Variants in PRIMA1 observed in about 807,000 individuals in gnomAD.
PRIMA1 encodes proline rich membrane anchor 1, also known as proline-rich membrane anchor 1.
PRIMA1 carries 7 observed loss-of-function variants against 17.5 expected under a neutral mutation model. That is an observed-to-expected ratio of 0.40 (90% CI 0.23 to 0.75). The LOEUF is 0.75. Among genes scored for constraint, PRIMA1 ranks in the 30% least tolerant of loss-of-function variants. The pLI, the probability that PRIMA1 is intolerant of heterozygous loss-of-function variation, is 0.37. For synonymous variants in PRIMA1, 97 were observed against 77.9 expected, an observed-to-expected ratio of 1.25 and a Z score of -1.29; for missense variants, 200 against 201.8, an observed-to-expected ratio of 0.99 and a Z score of 0.05.
At chr14:93,734,093 A>G (rs2076133085) in intron 4 of PRIMA1, among the ~76,000 whole-genome samples, 1 of 152,174 alleles carries the variant, frequency 6.6e-6, no homozygotes, top group South Asian at 2.1e-4. Context: ...CTGCTGCACC[A>G]GGGATACTCT....
chr14:93,785,454 C>G (rs187041466), intron 2 of PRIMA1, among the ~76,000 whole-genome samples: 14 of 152,298 alleles, frequency 9.2e-5, no homozygotes, highest in African/African-American at 3.4e-4. Context: ...CATCGACGAT[C>G]CCATTAATCA....
At chr14:93,728,943 A>C (rs1266685745) in intron 4 of PRIMA1, among the ~76,000 whole-genome samples, 1 of 152,134 alleles carries the variant, frequency 6.6e-6, no homozygotes, top group Non-Finnish European at 1.5e-5. Context: ...AAGTCCAAAG[A>C]AGCATTCCAG....
At chr14:93,759,211 A>G (rs2076310950) in intron 3 of PRIMA1, among the ~76,000 whole-genome samples, 1 of 151,956 alleles carries the variant, frequency 6.6e-6, no homozygotes, top group Admixed American at 6.6e-5. Context: ...GCGGGTCTCT[A>G]TTGGCTTATG....
intron 3 of PRIMA1, among the ~76,000 whole-genome samples, chr14:93,763,448 G>C (rs748787858): frequency 8.5e-5 from 13 of 152,146 alleles, no homozygotes; most frequent in Non-Finnish European, 1.5e-4. Context: ...GGCCTGCAGT[G>C]AGCTCTGCCT....
chr14:93,745,506 C>A (rs1354781428), intron 3 of PRIMA1, among the ~76,000 whole-genome samples: 1 of 152,226 alleles, frequency 6.6e-6, no homozygotes, highest in African/African-American at 2.4e-5. Context: ...CCTGGTGGGC[C>A]CCCTGTGCTG....
chr14:93,788,570 C>CG (rs1885599534), upstream of PRIMA1: 1 of 152,276 alleles, frequency 6.6e-6, no homozygotes, highest in Non-Finnish European at 1.5e-5. Flanking sequence ...CTCACCTTGG[C>CG]GGCTGCGCGG....
intron 3 of PRIMA1, among the ~76,000 whole-genome samples, chr14:93,743,173 T>C (rs2141165532): frequency 6.6e-6 from 1 of 152,308 alleles, no homozygotes. Flanking sequence ...CACTGCTGGG[T>C]CTCTTGACCC....
chr14:93,782,287 A>C (rs201126258), intron 2 of PRIMA1, among the ~76,000 whole-genome samples: 48,124 of 149,640 alleles, frequency 0.32, 8,506 homozygotes, highest in African/African-American at 0.48. Flanking sequence ...TAAATAAATA[A>C]ATAAATACAT....
intron 3 of PRIMA1, among the ~76,000 whole-genome samples, chr14:93,752,622 G>C (rs1012140216): frequency 6.6e-6 from 1 of 152,244 alleles, no homozygotes; most frequent in Non-Finnish European, 1.5e-5. Flanking sequence ...AACTCCACCA[G>C]TGCAATATCC....
At chr14:93,733,799 T>A (rs1281255551) in intron 4 of PRIMA1, among the ~76,000 whole-genome samples, 1 of 152,252 alleles carries the variant, frequency 6.6e-6, no homozygotes, top group East Asian at 1.9e-4. Flanking sequence ...CAATTGGCCG[T>A]GAGCAAGAAA....
At chr14:93,721,816 G>A (rs1369300845) in intron 4 of PRIMA1, among the ~76,000 whole-genome samples, 1 of 152,152 alleles carries the variant, frequency 6.6e-6, no homozygotes, top group East Asian at 1.9e-4. Flanking sequence ...GATGAAGCAG[G>A]GACAACAGGT....
At chr14:93,763,258 G>A (rs28603252) in intron 3 of PRIMA1, among the ~76,000 whole-genome samples, 27,002 of 152,118 alleles carry the variant, frequency 0.18, 4,508 homozygotes, top group African/African-American at 0.44. Context: ...CTCAGCTTCC[G>A]GCATCCCGGG....
intron 2 of PRIMA1, among the ~76,000 whole-genome samples, chr14:93,787,140 C>G (rs907815855): frequency 6.6e-6 from 1 of 152,168 alleles, no homozygotes; most frequent in African/African-American, 2.4e-5. Context: ...GAGATTCAAC[C>G]CTGGGCAGTC....
At chr14:93,727,916 C>T (rs995053173) in intron 4 of PRIMA1, among the ~76,000 whole-genome samples, 13 of 152,254 alleles carry the variant, frequency 8.5e-5, no homozygotes, top group African/African-American at 2.4e-4. Context: ...TGGGCGGTCA[C>T]GCCCCACCAG....
At chr14:93,755,347 C>T (rs932344454) in intron 3 of PRIMA1, among the ~76,000 whole-genome samples, 2 of 152,064 alleles carry the variant, frequency 1.3e-5, no homozygotes, top group Non-Finnish European at 2.9e-5. Context: ...GTGATGGGGG[C>T]CACCTTCTTT....
intron 4 of PRIMA1, among the ~76,000 whole-genome samples, chr14:93,729,396 A>G (rs1047800642): frequency 2.0e-5 from 3 of 152,154 alleles, no homozygotes; most frequent in African/African-American, 7.2e-5. Context: ...GGGAGAGGTG[A>G]CAGATGGGAA....
chr14:93,786,090 C>T (rs1050344942), intron 2 of PRIMA1, among the ~76,000 whole-genome samples: 1 of 152,216 alleles, frequency 6.6e-6, no homozygotes, highest in African/African-American at 2.4e-5. Flanking sequence ...CACTACGTTG[C>T]TTCCCACCCC....
Position 93,735,154 on chromosome 14 carries a change from C to T in PRIMA1, c.359+2087G>A, listed in dbSNP as rs561063664. Among the ~76,000 whole-genome samples, 19 of 152,290 alleles carry T rather than the reference C, an allele frequency of 1.2e-4. No individual in the cohort carries two copies. The South Asian group carries it at 2.3e-3, about 18-fold the overall frequency. ...AACAGATTATTCATGTTGAGCCTCT[C>T]CCAGGGGAAGTGGGGCGTGTCTGCA... On this transcript the variant is annotated intron_variant, in intron 4 of 4. Coordinates refer to ENST00000393140, the MANE Select transcript of PRIMA1 (RefSeq NM_178013.4).
At chr14:93,778,247 T>G (rs1173304988) in intron 3 of PRIMA1, among the ~76,000 whole-genome samples, 1 of 152,166 alleles carries the variant, frequency 6.6e-6, no homozygotes, top group Non-Finnish European at 1.5e-5. Flanking sequence ...AGCAGGTCAT[T>G]TGAGGGCCAG....
Sources: allele counts gnomAD v4.1 joint callset (sites outside exome capture counted in the v4.1 genomes callset), GRCh38; gene constraint gnomAD v4.1.1; transcripts MANE v1.5; gene names NCBI Gene and HGNC (gene_info 2026-07-23, HGNC 2026-07-21).